Variants in GDAP1 observed in about 807,000 individuals in gnomAD.
GDAP1 encodes ganglioside-induced differentiation-associated protein 1.
In GDAP1, 34 loss-of-function variants were observed where a neutral mutation model predicts 40.1. The observed-to-expected ratio is 0.85, with a 90% confidence interval of 0.64 to 1.13. GDAP1 has a LOEUF of 1.13. GDAP1 is among the 50% of genes most tolerant of loss of function. GDAP1 has a pLI of 0.00. For missense variants in GDAP1, 374 were observed against 433.7 expected, an observed-to-expected ratio of 0.86 and a Z score of 1.22; for synonymous variants, 170 against 157.4, an observed-to-expected ratio of 1.08 and a Z score of -0.60.
downstream of GDAP1, among the ~76,000 whole-genome samples, chr8:74,368,148 A>G (rs1024169576): frequency 1.3e-5 from 2 of 152,230 alleles, no homozygotes; most frequent in Non-Finnish European, 2.9e-5. Flanking sequence ...TAGGAGAGCC[A>G]ATAGTATAGC....
chr8:74,446,276 C>T (rs929984130), intron 2 of GDAP1, among the ~76,000 whole-genome samples: 9 of 152,168 alleles, frequency 5.9e-5, no homozygotes, highest in Admixed American at 1.3e-4. Flanking sequence ...TTTCTGAGGG[C>T]GGTGGGACTA....
At chr8:74,363,931 A>C in intron 5 of GDAP1, 54 bp from the exon 6 acceptor site, 1 of 1,494,008 alleles carries the variant, frequency 6.7e-7, no homozygotes, top group South Asian at 1.1e-5. Flanking sequence ...TACCAGCTGG[A>C]GTCTGTCTGT....
intron 2 of GDAP1, among the ~76,000 whole-genome samples, chr8:74,390,775 C>T (rs1005472566): frequency 2.0e-5 from 3 of 152,198 alleles, no homozygotes; most frequent in South Asian, 2.1e-4. Context: ...TGTGAGACTG[C>T]GCCCACAGCT....
intron 2 of GDAP1, among the ~76,000 whole-genome samples, chr8:74,374,808 T>A (rs1029201204): frequency 6.6e-6 from 1 of 152,132 alleles, no homozygotes; most frequent in South Asian, 2.1e-4. Flanking sequence ...AATGGGAATT[T>A]GGAATAGCCA....
At chr8:74,483,134 C>T (rs1301902598) in intron 2 of GDAP1, among the ~76,000 whole-genome samples, 1 of 152,106 alleles carries the variant, frequency 6.6e-6, no homozygotes, top group Non-Finnish European at 1.5e-5. Flanking sequence ...CTTCTGGACA[C>T]ACAGTTAGAG....
At chr8:74,372,401 C>T (rs2131531811) in intron 2 of GDAP1, among the ~76,000 whole-genome samples, 1 of 152,292 alleles carries the variant, frequency 6.6e-6, no homozygotes, top group East Asian at 1.9e-4. Flanking sequence ...TAAAAGTGTT[C>T]CTATGTCTCC....
intron 2 of GDAP1, among the ~76,000 whole-genome samples, chr8:74,424,645 T>C (rs1170303018): frequency 2.0e-5 from 3 of 152,200 alleles, no homozygotes; most frequent in Non-Finnish European, 4.4e-5. Flanking sequence ...TAAAAATATT[T>C]TGACAACTGT....
intron 2 of GDAP1, among the ~76,000 whole-genome samples, chr8:74,403,972 A>G (rs1182676594): frequency 6.7e-6 from 1 of 150,264 alleles, no homozygotes; most frequent in Admixed American, 6.6e-5. Flanking sequence ...TGTAAAAAAG[A>G]AAGATCATAG....
At chr8:74,383,959 A>G (rs1254860099) in intron 2 of GDAP1, among the ~76,000 whole-genome samples, 3 of 152,184 alleles carry the variant, frequency 2.0e-5, no homozygotes, top group Non-Finnish European at 2.9e-5. Flanking sequence ...ATGTTGTTAC[A>G]TAACACGCAT....
intron 2 of GDAP1, among the ~76,000 whole-genome samples, chr8:74,377,540 G>A (rs1468451269): frequency 2.0e-5 from 3 of 152,148 alleles, no homozygotes; most frequent in Non-Finnish European, 4.4e-5. Context: ...TTAATATACA[G>A]TCTAAGCCAA....
chr8:74,399,051 A>C (rs962143795), intron 2 of GDAP1, among the ~76,000 whole-genome samples: 4 of 151,976 alleles, frequency 2.6e-5, no homozygotes, highest in African/African-American at 9.7e-5. Context: ...TGTCAGGATG[A>C]TACTGGCCTC....
chr8:74,473,083 ATTTTT>A (rs34633437), intron 2 of GDAP1, among the ~76,000 whole-genome samples: 5 of 148,168 alleles, frequency 3.4e-5, no homozygotes, highest in African/African-American at 1.0e-4. Flanking sequence ...GGCTGCATGT[ATTTTT>A]TTTTTTTTTG....
chr8:74,424,173 A>G (rs1202847302), intron 2 of GDAP1, among the ~76,000 whole-genome samples: 1 of 152,136 alleles, frequency 6.6e-6, no homozygotes, highest in East Asian at 1.9e-4. Flanking sequence ...TAGTTTATTT[A>G]TAATACCTAA....
chr8:74,365,104 C>G lies in GDAP1; in HGVS notation c.*737C>G. On this transcript the variant is annotated 3_prime_UTR_variant, in exon 6 of 6. Transcript: ENST00000220822. ...GAGGTAGAAAGGGTGGCATCTGTAG[C>G]CCTCTTCATACACATAAGTGGCATT... The G allele has an allele frequency of 2.2e-6, 1 of 454,028 alleles. No homozygotes were observed. The highest frequency in any genetic ancestry group is 1.6e-5 in the South Asian group (1 of 64,464). 28.1% of individuals were successfully genotyped at this position (454,028 alleles called of 1,614,324 possible). A position where few individuals can be genotyped will look rare whatever the true frequency, so the allele number is the denominator to read the frequency against.
chr8:74,394,491 A>G (rs558079419), intron 2 of GDAP1, among the ~76,000 whole-genome samples: 3 of 152,246 alleles, frequency 2.0e-5, no homozygotes, highest in African/African-American at 7.2e-5. Context: ...TCCCTGAAGG[A>G]GACACATATT....
chr8:74,351,258 G>A lies in GDAP1; in HGVS notation c.118-16G>A, dbSNP rs757760120. Reference sequence around the variant, plus strand: ...AAGCTTACATGTGTTGTAGTAACCAGTGTGAACTCTTCCAGGTGCGCTTGG... The same window carrying A: ...AAGCTTACATGTGTTGTAGTAACCAATGTGAACTCTTCCAGGTGCGCTTGG... On this transcript the variant is annotated splice_polypyrimidine_tract_variant and intron_variant, in intron 1 of 5. Transcript: ENST00000220822. 5.6e-6 allele frequency: 9 copies of A among 1,608,038 alleles called. No individual in the cohort carries two copies. The highest frequency in any genetic ancestry group is 7.7e-6 in the Non-Finnish European group (9 of 1,174,432).
chr8:74,403,649 G>A (rs548601490), intron 2 of GDAP1, among the ~76,000 whole-genome samples: 1 of 150,266 alleles, frequency 6.7e-6, no homozygotes, highest in Non-Finnish European at 1.5e-5. Flanking sequence ...CAGCATTTGG[G>A]TAAGACATTT....
intron 2 of GDAP1, among the ~76,000 whole-genome samples, chr8:74,445,880 G>C (rs1430916736): frequency 3.3e-5 from 5 of 152,174 alleles, no homozygotes; most frequent in Non-Finnish European, 7.4e-5. Flanking sequence ...ATGGTATTGA[G>C]CTATCAGGTT....
intron 5 of GDAP1, 27 bp from the exon 6 acceptor site, chr8:74,363,958 A>G (rs772899545): frequency 5.6e-6 from 9 of 1,611,472 alleles, no homozygotes; most frequent in Non-Finnish European, 7.6e-6. Context: ...CTTGCCTCTA[A>G]TTCTCTATGT....
Sources: allele counts gnomAD v4.1 joint callset (sites outside exome capture counted in the v4.1 genomes callset), GRCh38; gene constraint gnomAD v4.1.1; transcripts MANE v1.5; gene names NCBI Gene and HGNC (gene_info 2026-07-23, HGNC 2026-07-21).